The following CENPW variants were observed in gnomAD, a reference collection of about 807,000 sequenced individuals.
CENPW encodes centromere protein W.
In CENPW, 3 loss-of-function variants were observed where a neutral mutation model predicts 11.1. That is an observed-to-expected ratio of 0.27 (90% CI 0.12 to 0.70). The LOEUF (loss-of-function observed/expected upper bound fraction) is 0.70, where lower values mean the gene tolerates loss of function less well. CENPW is among the 30% of genes least tolerant of loss of function. The probability of loss-of-function intolerance (pLI) is 0.77; values close to 1 mark genes in which losing one functional copy is unlikely to be tolerated. For missense variants in CENPW, 100 were observed against 105.6 expected (o/e 0.95, Z 0.23); for synonymous variants, 38 against 42.0 (o/e 0.91, Z 0.37).
chr6:126,406,591 T>C, the CENPW span, among the ~76,000 whole-genome samples: 1 of 152,132 alleles, frequency 6.6e-6, no homozygotes, highest in Non-Finnish European at 1.5e-5. Flanking sequence ...CAGTGGCTCA[T>C]GCCTGTAATC....
the CENPW span, among the ~76,000 whole-genome samples, chr6:126,411,095 G>A: frequency 1.3e-5 from 2 of 152,068 alleles, no homozygotes; most frequent in African/African-American, 4.8e-5. Context: ...GCATCAGGTG[G>A]AACTATTACC....
chr6:126,416,136 CTTG>C, the CENPW span, among the ~76,000 whole-genome samples: 3 of 152,176 alleles, frequency 2.0e-5, no homozygotes, highest in African/African-American at 7.2e-5. Flanking sequence ...AAATGAGAAA[CTTG>C]TTGGGAACTG....
chr6:126,378,402 A>G, the CENPW span, among the ~76,000 whole-genome samples: 1 of 151,984 alleles, frequency 6.6e-6, no homozygotes, highest in Non-Finnish European at 1.5e-5. Flanking sequence ...AACTCATTTT[A>G]GTAGTTTTGC....
the CENPW span, among the ~76,000 whole-genome samples, chr6:126,476,974 T>C: frequency 6.6e-6 from 1 of 151,928 alleles, no homozygotes; most frequent in Admixed American, 6.6e-5. Context: ...ATTCTCCCTA[T>C]ATAGTAAATG....
the CENPW span, among the ~76,000 whole-genome samples, chr6:126,396,930 C>T: frequency 2.6e-5 from 4 of 151,888 alleles, no homozygotes; most frequent in Non-Finnish European, 5.9e-5. Context: ...GTCTAAGATG[C>T]AAGACAAAGT....
At chr6:126,480,507 A>G in the CENPW span, among the ~76,000 whole-genome samples, 1 of 152,150 alleles carries the variant, frequency 6.6e-6, no homozygotes. Context: ...ATAATACACC[A>G]AGAGTTAGTT....
the CENPW span, among the ~76,000 whole-genome samples, chr6:126,454,685 A>G: frequency 6.6e-6 from 1 of 151,214 alleles, no homozygotes; most frequent in Non-Finnish European, 1.5e-5. Flanking sequence ...GAGGAAAACA[A>G]TCCCAAACCT....
At chr6:126,375,768 C>T in the CENPW span, among the ~76,000 whole-genome samples, 1 of 152,070 alleles carries the variant, frequency 6.6e-6, no homozygotes, top group African/African-American at 2.4e-5. Flanking sequence ...TTTTTTCTCT[C>T]ACTCTTCGTT....
chr6:126,473,112 T>C, the CENPW span, among the ~76,000 whole-genome samples: 3 of 152,228 alleles, frequency 2.0e-5, no homozygotes, highest in South Asian at 6.2e-4. Flanking sequence ...TGTTAAATAG[T>C]ATTTCATTGT....
At chr6:126,371,331 G>A in the CENPW span, among the ~76,000 whole-genome samples, 36 of 151,980 alleles carry the variant, frequency 2.4e-4, no homozygotes, top group African/African-American at 7.5e-4. Context: ...TTTTTTCTGC[G>A]TCTATTGATA....
the CENPW span, among the ~76,000 whole-genome samples, chr6:126,483,182 T>A: frequency 4.0e-5 from 6 of 151,862 alleles, no homozygotes; most frequent in Non-Finnish European, 7.4e-5. Context: ...GAAACATTTA[T>A]TTGTAAATTT....
intron 1 of CENPW, among the ~76,000 whole-genome samples, chr6:126,342,834 G>A (rs1013595983): frequency 5.3e-5 from 8 of 152,134 alleles, no homozygotes; most frequent in Admixed American, 6.5e-5. Flanking sequence ...ATTAATTTTG[G>A]AAATGCATGA....
the CENPW span, among the ~76,000 whole-genome samples, chr6:126,403,547 A>G: frequency 6.6e-6 from 1 of 152,146 alleles, no homozygotes; most frequent in Non-Finnish European, 1.5e-5. Flanking sequence ...ACTCTCTTCA[A>G]TTCAGTGAAG....
the CENPW span, among the ~76,000 whole-genome samples, chr6:126,380,342 A>C: frequency 6.6e-6 from 1 of 152,338 alleles, no homozygotes; most frequent in East Asian, 1.9e-4. Flanking sequence ...ATCCTCTCAG[A>C]TTAACTGGCT....
At chr6:126,412,139 A>G in the CENPW span, among the ~76,000 whole-genome samples, 1 of 89,060 alleles carries the variant, frequency 1.1e-5, no homozygotes, top group Non-Finnish European at 2.2e-5. Flanking sequence ...GGCATGCACC[A>G]TCATGCCTGG....
At chr6:126,435,320 G>T in the CENPW span, among the ~76,000 whole-genome samples, 1 of 151,700 alleles carries the variant, frequency 6.6e-6, no homozygotes, top group East Asian at 1.9e-4. Flanking sequence ...AAAAACGGCA[G>T]GTACATTATT....
the CENPW span, among the ~76,000 whole-genome samples, chr6:126,380,838 A>G: frequency 6.6e-6 from 1 of 152,228 alleles, no homozygotes; most frequent in Admixed American, 6.5e-5. Context: ...AATAATAACA[A>G]TGACATAGGA....
At chr6:126,353,225 CTTT>C (rs11423823), downstream of CENPW, among the ~76,000 whole-genome samples, 1 of 144,332 alleles carries the variant, frequency 6.9e-6, no homozygotes, top group Non-Finnish European at 1.5e-5. Context: ...CCTATGGGAT[CTTT>C]TTTTTTTTTT....
At chr6:126,480,193 C>A in the CENPW span, among the ~76,000 whole-genome samples, 8 of 151,752 alleles carry the variant, frequency 5.3e-5, no homozygotes, top group Non-Finnish European at 8.8e-5. Flanking sequence ...CACACACACA[C>A]AGAGAAATGA....
Sources: allele counts gnomAD v4.1 joint callset (sites outside exome capture counted in the v4.1 genomes callset), GRCh38; gene constraint gnomAD v4.1.1; transcripts MANE v1.5; gene names NCBI Gene and HGNC (gene_info 2026-07-23, HGNC 2026-07-21).